Variants in CNBD1 observed in about 807,000 individuals in gnomAD.
CNBD1 encodes cyclic nucleotide-binding domain-containing protein 1.
Under a neutral mutation model 54.4 loss-of-function variants are expected in CNBD1, and 71 were observed. The observed-to-expected ratio is 1.30, with a 90% CI of 1.08 to 1.59. The LOEUF (loss-of-function observed/expected upper bound fraction) is 1.59. CNBD1 is among the 40% of genes most tolerant of loss of function. The probability of loss-of-function intolerance (pLI) is 0.00; values close to 1 mark genes in which losing one functional copy is unlikely to be tolerated. For synonymous variants in CNBD1, 182 were observed against 170.7 expected (o/e 1.07, Z -0.51); for missense variants, 659 against 518.0 (o/e 1.27, Z -2.64).
At chr8:87,424,423 G>A (rs1586094968) in intron 2 of CNBD1, among the ~76,000 whole-genome samples, 3 of 152,092 alleles carry the variant, frequency 2.0e-5, no homozygotes, top group South Asian at 2.1e-4. Flanking sequence ...AGTGCTATAA[G>A]TTTCCCTCTA....
chr8:86,948,446 C>A (rs573764834), intron 4 of CNBD1, among the ~76,000 whole-genome samples: 1 of 152,222 alleles, frequency 6.6e-6, no homozygotes, highest in Admixed American at 6.5e-5. Context: ...TGGATATAAA[C>A]CATTTAAACT....
chr8:87,061,108 G>A (rs1280300387), intron 4 of CNBD1, among the ~76,000 whole-genome samples: 3 of 152,096 alleles, frequency 2.0e-5, no homozygotes, highest in South Asian at 4.1e-4. Flanking sequence ...TGTCAAGCTG[G>A]TAATCAAACT....
At chr8:87,271,987 G>A (rs181127323) in intron 6 of CNBD1, among the ~76,000 whole-genome samples, 46 of 152,050 alleles carry the variant, frequency 3.0e-4, no homozygotes, top group Non-Finnish European at 3.5e-4. Flanking sequence ...ATTGTGTAAC[G>A]TAAAGTAATC....
chr8:87,249,417 G>T (rs1288827442), intron 6 of CNBD1, among the ~76,000 whole-genome samples: 2 of 152,032 alleles, frequency 1.3e-5, no homozygotes, highest in Non-Finnish European at 2.9e-5. Flanking sequence ...TAAATCTGTG[G>T]CCCAGGAGTC....
At chr8:86,887,195 C>A (rs1808692748) in intron 1 of CNBD1, among the ~76,000 whole-genome samples, 1 of 152,164 alleles carries the variant, frequency 6.6e-6, no homozygotes, top group Non-Finnish European at 1.5e-5. Flanking sequence ...ATTGTCATGT[C>A]TGAAGTTCTG....
chr8:86,968,226 T>A (rs1383645602), intron 4 of CNBD1, among the ~76,000 whole-genome samples: 1 of 152,094 alleles, frequency 6.6e-6, no homozygotes, highest in African/African-American at 2.4e-5. Flanking sequence ...TTTCAAACCA[T>A]TTTTTTGTTT....
At chr8:86,909,876 T>G (rs1432259883) in intron 3 of CNBD1, among the ~76,000 whole-genome samples, 1 of 152,198 alleles carries the variant, frequency 6.6e-6, no homozygotes, top group Non-Finnish European at 1.5e-5. Context: ...TTTTCTATAT[T>G]GACATCCAAC....
chr8:87,224,445 T>A (rs1254812847), intron 5 of CNBD1, among the ~76,000 whole-genome samples: 1 of 151,744 alleles, frequency 6.6e-6, no homozygotes, highest in Non-Finnish European at 1.5e-5. Flanking sequence ...GGATCCAGTT[T>A]CAGCTTTCTA....
At chr8:87,341,459 T>C (rs1398148378) in intron 8 of CNBD1, among the ~76,000 whole-genome samples, 1 of 152,188 alleles carries the variant, frequency 6.6e-6, no homozygotes, top group Non-Finnish European at 1.5e-5. Flanking sequence ...GTGCTGGGGG[T>C]AGAAACACTA....
chr8:87,094,187 T>C (rs562405729), intron 4 of CNBD1, among the ~76,000 whole-genome samples: 19 of 152,124 alleles, frequency 1.2e-4, no homozygotes, highest in Non-Finnish European at 2.6e-4. Context: ...AGGCTTAGGT[T>C]GCGCACAACG....
intron 6 of CNBD1, among the ~76,000 whole-genome samples, chr8:87,240,834 T>C (rs2130829439): frequency 6.6e-6 from 1 of 152,188 alleles, no homozygotes; most frequent in South Asian, 2.1e-4. Context: ...CCTAGAGGGC[T>C]TTTTAATACC....
At chr8:87,108,558 C>T (rs1307739407) in intron 4 of CNBD1, among the ~76,000 whole-genome samples, 1 of 152,086 alleles carries the variant, frequency 6.6e-6, no homozygotes, top group Non-Finnish European at 1.5e-5. Flanking sequence ...TCTTAAGAAC[C>T]AACATTCAGG....
chr8:86,945,063 T>TTGGTATTTGATTGAA (rs1415208780), intron 4 of CNBD1, among the ~76,000 whole-genome samples: 1 of 152,176 alleles, frequency 6.6e-6, no homozygotes, highest in Non-Finnish European at 1.5e-5. Context: ...TTGATTGCAG[T>TTGGTATTTGATTGAA]GCTTATAACA....
chr8:87,331,247 G>A (rs530704163), intron 8 of CNBD1, among the ~76,000 whole-genome samples: 1 of 152,098 alleles, frequency 6.6e-6, no homozygotes, highest in Non-Finnish European at 1.5e-5. Context: ...GGTGTGTGTT[G>A]TTCCCCGATG....
At chr8:86,990,815 T>C (rs1394590739) in intron 4 of CNBD1, among the ~76,000 whole-genome samples, 1 of 152,210 alleles carries the variant, frequency 6.6e-6, no homozygotes, top group Non-Finnish European at 1.5e-5. Flanking sequence ...ATTCTTCCCA[T>C]CCATGAACAT....
At chr8:87,169,780 C>A (rs1813047952) in intron 4 of CNBD1, among the ~76,000 whole-genome samples, 1 of 151,998 alleles carries the variant, frequency 6.6e-6, no homozygotes, top group East Asian at 1.9e-4. Context: ...TGATTTTATG[C>A]CAGTACCATG....
At chr8:87,377,717 G>T (rs1467971144) in intron 10 of CNBD1, among the ~76,000 whole-genome samples, 1 of 140,884 alleles carries the variant, frequency 7.1e-6, no homozygotes, top group Non-Finnish European at 1.5e-5. Context: ...AGATCCCTGA[G>T]GAATCGCCAC....
Position 87,382,739 on chromosome 8 carries a change from C to A in CNBD1, c.*112C>A. On this transcript the variant is annotated 3_prime_UTR_variant, in exon 11 of 11. Coordinates refer to ENST00000518476, the MANE Select transcript of CNBD1 (RefSeq NM_173538.3). ...CAGCAATGAATTTGGTCTATTGTGA[C>A]TACATATCCTGGATTCCCCAGGAAA... The A allele has an allele frequency of 1.4e-6, 1 of 708,674 alleles. No individual in the cohort carries two copies. Among genetic ancestry groups the A allele is most frequent in the Non-Finnish European group, 2.2e-6 (1 of 445,770 alleles). 43.9% of individuals were successfully genotyped at this position (708,674 alleles called of 1,614,324 possible).
At chr8:87,265,943 A>G (rs2130853336) in intron 6 of CNBD1, among the ~76,000 whole-genome samples, 1 of 152,264 alleles carries the variant, frequency 6.6e-6, no homozygotes, top group Non-Finnish European at 1.5e-5. Flanking sequence ...AACTTAGGTA[A>G]TAATCAGTTG....
Sources: allele counts gnomAD v4.1 joint callset (sites outside exome capture counted in the v4.1 genomes callset), GRCh38; gene constraint gnomAD v4.1.1; transcripts MANE v1.5; gene names NCBI Gene and HGNC (gene_info 2026-07-23, HGNC 2026-07-21).